Variants in SEZ6 observed in about 807,000 individuals in gnomAD.
SEZ6 encodes seizure related 6 homolog.
A neutral mutation model predicts 101.0 loss-of-function variants in SEZ6; 53 were observed. The ratio of observed to expected loss-of-function variants is 0.52; its 90% confidence interval spans 0.42 to 0.66. The LOEUF is 0.66. Ranked by LOEUF, SEZ6 falls within the 30% of genes least tolerant of loss-of-function variation. The probability of loss-of-function intolerance (pLI) is 0.00; values close to 1 mark genes in which losing one functional copy is unlikely to be tolerated. For synonymous variants in SEZ6, 488 were observed against 512.2 expected (o/e 0.95, Z 0.64); for missense variants, 1,102 against 1,289.4 (o/e 0.85, Z 2.23).
At position 28,956,424 on chromosome 17, in the gene SEZ6, G is replaced by A. The variant is rs1432936022; in HGVS notation, c.2775C>T (p.His925=). ...PAASSTLDAA[H]IAAAIFLPLV... ...GTGGCAAGAAGATGGCAGCTGCAAT[G>A]TGGGCAGCATCCAGGGTGCTGGAGG... Residue 925 remains histidine, a synonymous_variant, in exon 15 of 17, where the codon CAC becomes CAT. Coordinates refer to ENST00000317338, the MANE Select transcript of SEZ6 (RefSeq NM_178860.5). The A allele has an allele frequency of 6.4e-7, 1 of 1,565,552 alleles. No homozygotes were observed. Among genetic ancestry groups the A allele is most frequent in the Admixed American group, 1.9e-5 (1 of 52,702 alleles).
In SEZ6 at chr17:28,996,333, G is replaced by C. The variant is rs934159595; in HGVS notation, c.55+9482C>G. On this transcript the variant is annotated intron_variant, in intron 1 of 16. Transcript: ENST00000317338. ...GGAGGAATGAGCTTCTCCTGCCCCA[G>C]GGTGTGGGCCCTGAGCCTGTGGGCT... 7.2e-5 allele frequency among the ~76,000 whole-genome samples: 11 copies of C among 152,096 alleles called. 1 individual carries two copies. Among genetic ancestry groups the C allele is most frequent in the Admixed American group, 3.3e-4 (5 of 15,288 alleles).
At chr17:28,998,402 T>C (rs2041571488) in intron 1 of SEZ6, among the ~76,000 whole-genome samples, 13 of 151,208 alleles carry the variant, frequency 8.6e-5, no homozygotes, top group Admixed American at 8.6e-4. Context: ...ATCAAGGTTC[T>C]GGCTGGGCCC....
At chr17:28,973,523 C>T (rs1462758362) in intron 3 of SEZ6, among the ~76,000 whole-genome samples, 1 of 152,152 alleles carries the variant, frequency 6.6e-6, no homozygotes, top group Admixed American at 6.5e-5. Flanking sequence ...TGGCTCCCGG[C>T]CCAGTCTAGT....
intron 1 of SEZ6, among the ~76,000 whole-genome samples, chr17:28,984,062 A>G (rs887472642): frequency 1.3e-5 from 2 of 152,220 alleles, no homozygotes; most frequent in African/African-American, 4.8e-5. Flanking sequence ...ACCAACTGCT[A>G]TCTCCTGAGA....
At chr17:28,994,642 C>T (rs982917741) in intron 1 of SEZ6, among the ~76,000 whole-genome samples, 1 of 151,848 alleles carries the variant, frequency 6.6e-6, no homozygotes, top group Non-Finnish European at 1.5e-5. Flanking sequence ...ATCTCCTGAC[C>T]TTGTGATCCA....
chr17:28,956,297 G>A, intron 15 of SEZ6, 36 bp from the exon 16 acceptor site: 3 of 1,588,086 alleles, frequency 1.9e-6, no homozygotes, highest in Non-Finnish European at 2.6e-6. Flanking sequence ...CAGGAGCACT[G>A]GGTAGGAGTG....
intron 3 of SEZ6, 96 bp from the exon 4 acceptor site, chr17:28,970,048 T>C: frequency 2.7e-6 from 3 of 1,124,246 alleles, no homozygotes; most frequent in Non-Finnish European, 3.6e-6. Flanking sequence ...CCCGGGCAGA[T>C]CAATCCTCAA....
chr17:28,981,882 C>A lies in SEZ6; in HGVS notation c.213G>T (p.Pro71=). The A allele has an allele frequency of 6.2e-7, 1 of 1,613,832 alleles. No homozygotes were observed. The highest frequency in any genetic ancestry group is 8.5e-7 in the Non-Finnish European group (1 of 1,179,860). ...CCTCTTGTAGGAATTCCTCAAGCAG[C>A]GGGTGGTGGTTGAGCAGCTTCAAGG... The part of the protein sequence containing the change: ...APTLKLLNHH[P]LLEEFLQEGL... The change falls in exon 2 of 17, where the codon CCG becomes CCT. Residue 71 remains proline (P), a synonymous_variant. Coordinates refer to ENST00000317338, the MANE Select transcript of SEZ6 (RefSeq NM_178860.5).
At position 28,958,046 on chromosome 17, in the gene SEZ6, T is replaced by C; in HGVS notation, c.2203A>G (p.Thr735Ala). 1 of 1,613,890 alleles carries C rather than the reference T, an allele frequency of 6.2e-7. No homozygotes were observed. The highest frequency in any genetic ancestry group is 8.5e-7 in the Non-Finnish European group (1 of 1,179,796). The stretch of plus-strand genomic sequence containing the variant: ...TGGTAGCCAGGGTAGCACTGGTAAG[T>C]GACCACGGTGCCGTGCACTAGCTCA... The part of the protein sequence containing the change: ...QPELVHGTVV[T>A]YQCYPGYQVV... Residue 735 changes from threonine (T) to alanine (A), a missense_variant, in exon 11 of 17, where the codon ACT becomes GCT. Around this residue, in one of 3 missense-constraint regions of SEZ6, gnomAD observed 556 missense variants for 735.1 expected, o/e 0.76. Transcript: ENST00000317338.
At chr17:28,961,005 C>A in intron 5 of SEZ6, 32 bp from the exon 6 acceptor site, 1 of 1,590,350 alleles carries the variant, frequency 6.3e-7, no homozygotes, top group Non-Finnish European at 8.6e-7. Flanking sequence ...GTAGGCTAGG[C>A]CCCTGCCTGA....
chr17:28,983,592 T>C (rs1312231932), intron 1 of SEZ6, among the ~76,000 whole-genome samples: 1 of 152,048 alleles, frequency 6.6e-6, no homozygotes, highest in Admixed American at 6.6e-5. Context: ...GGAGAGATGA[T>C]GCATATTCTG....
At chr17:28,996,967 C>T (rs549844649) in intron 1 of SEZ6, among the ~76,000 whole-genome samples, 6 of 152,216 alleles carry the variant, frequency 3.9e-5, no homozygotes, top group South Asian at 2.1e-4. Flanking sequence ...CAAGGGTCAC[C>T]GGAGGCAGCA....
chr17:28,988,947 T>G (rs4795482), intron 1 of SEZ6, among the ~76,000 whole-genome samples: 48,047 of 151,988 alleles, frequency 0.32, 7,734 homozygotes, highest in South Asian at 0.41. Context: ...GGAGCTGTCT[T>G]TTATCTGTGG....
At chr17:28,963,354 G>C (rs2041016147) in intron 5 of SEZ6, among the ~76,000 whole-genome samples, 1 of 152,066 alleles carries the variant, frequency 6.6e-6, no homozygotes, top group East Asian at 1.9e-4. Context: ...TGCCTGGCTG[G>C]CCTCCCAGTC....
intron 1 of SEZ6, among the ~76,000 whole-genome samples, chr17:29,000,836 G>C (rs947876204): frequency 6.6e-6 from 1 of 152,080 alleles, no homozygotes; most frequent in Non-Finnish European, 1.5e-5. Flanking sequence ...TTATAGGGGG[G>C]GTGGTCAGGA....
rs1482208496 is a variant in SEZ6 at position 28,963,965 on chromosome 17, T to G, written c.1237A>C (p.Ile413Leu). The change falls in exon 5 of 17, where the codon ATC becomes CTC. Residue 413 changes from isoleucine to leucine, a missense_variant. By Grantham distance (5) the Ile-to-Leu change is conservative. Around this residue, in one of 3 missense-constraint regions of SEZ6, gnomAD observed 556 missense variants for 735.1 expected, o/e 0.76. Transcript: ENST00000317338. ...GCCCTTTCCCCTGGGCACTCACCGA[T>G]GCAGACGGGCTCCTTTGAATCCCAG... ...PFWDSKEPVCIAACGGVIRNA... is the reference protein window; with the variant it reads ...PFWDSKEPVCLAACGGVIRNA... 1.2e-6 allele frequency: 2 copies of G among 1,610,576 alleles called. No homozygotes were observed. Among genetic ancestry groups the G allele is most frequent in the South Asian group, 1.1e-5 (1 of 90,120 alleles).
intron 1 of SEZ6, among the ~76,000 whole-genome samples, chr17:29,004,021 C>T (rs1598219503): frequency 6.6e-6 from 1 of 152,318 alleles, no homozygotes; most frequent in East Asian, 1.9e-4. Context: ...CCCACAGTCT[C>T]ACTCTAGCCC....
At chr17:28,961,615 T>G (rs1281535433) in intron 5 of SEZ6, among the ~76,000 whole-genome samples, 1 of 152,216 alleles carries the variant, frequency 6.6e-6, no homozygotes, top group Non-Finnish European at 1.5e-5. Flanking sequence ...GACTGACCTT[T>G]CTAGTGCTGA....
intron 4 of SEZ6, among the ~76,000 whole-genome samples, chr17:28,968,760 C>A (rs995089831): frequency 1.3e-5 from 2 of 152,132 alleles, no homozygotes; most frequent in African/African-American, 2.4e-5. Context: ...TGCAGGACTG[C>A]GGAAGTGGTC....
Sources: allele counts gnomAD v4.1 joint callset (sites outside exome capture counted in the v4.1 genomes callset), GRCh38; gene constraint gnomAD v4.1.1; regional missense constraint gnomAD v4.1.1; transcripts MANE v1.5; gene names NCBI Gene and HGNC (gene_info 2026-07-23, HGNC 2026-07-21).